SHISA9: variants seen among roughly 807,000 people sequenced by gnomAD.
SHISA9 encodes shisa family member 9, also known as protein shisa-9.
A neutral mutation model predicts 38.0 loss-of-function variants in SHISA9; 13 were observed. The observed-to-expected ratio is 0.34, with a 90% CI of 0.22 to 0.54. The LOEUF (loss-of-function observed/expected upper bound fraction) is 0.54, where lower values mean the gene tolerates loss of function less well. Among genes scored for constraint, SHISA9 ranks in the 20% least tolerant of loss-of-function variants. The probability of loss-of-function intolerance (pLI) is 0.91; values close to 1 mark genes in which losing one functional copy is unlikely to be tolerated. For missense variants in SHISA9, 538 were observed against 575.8 expected, an observed-to-expected ratio of 0.93 and a Z score of 0.67; for synonymous variants, 275 against 242.0, an observed-to-expected ratio of 1.14 and a Z score of -1.27.
At chr16:13,174,430 G>A (rs1445489215) in intron 2 of SHISA9, among the ~76,000 whole-genome samples, 1 of 152,226 alleles carries the variant, frequency 6.6e-6, no homozygotes. Context: ...TTAAGGAGCT[G>A]TAAGCCCATT....
the SHISA9 span, among the ~76,000 whole-genome samples, chr16:13,479,236 G>C: frequency 6.6e-6 from 1 of 152,112 alleles, no homozygotes; most frequent in East Asian, 1.9e-4. Flanking sequence ...TGATTACTGT[G>C]AGCCCTCTTG....
the SHISA9 span, among the ~76,000 whole-genome samples, chr16:13,358,296 G>C: frequency 2.0e-5 from 3 of 152,168 alleles, no homozygotes; most frequent in Non-Finnish European, 4.4e-5. Flanking sequence ...TGGGTTTTGA[G>C]TGAGATACCT....
At chr16:13,290,540 T>C in the SHISA9 span, among the ~76,000 whole-genome samples, 121 of 152,300 alleles carry the variant, frequency 7.9e-4, no homozygotes, top group African/African-American at 2.8e-3. Flanking sequence ...TGTTTCCTGT[T>C]ATCCAGGATG....
intron 2 of SHISA9, among the ~76,000 whole-genome samples, chr16:13,184,294 C>T (rs1418507664): frequency 1.3e-5 from 2 of 152,170 alleles, no homozygotes; most frequent in East Asian, 1.9e-4. Context: ...GATGTTTGAG[C>T]CTATCTTCTG....
the SHISA9 span, among the ~76,000 whole-genome samples, chr16:13,306,476 T>G: frequency 1.3e-5 from 2 of 152,166 alleles, no homozygotes; most frequent in African/African-American, 4.8e-5. Flanking sequence ...AGAGAGATAA[T>G]GATATTAGTT....
chr16:13,150,738 G>T (rs1207136825), intron 2 of SHISA9, among the ~76,000 whole-genome samples: 4 of 152,188 alleles, frequency 2.6e-5, no homozygotes, highest in Non-Finnish European at 5.9e-5. Context: ...AGCAGTAATG[G>T]TGGCAAGCAG....
chr16:13,158,051 T>C (rs1473392470), intron 2 of SHISA9, among the ~76,000 whole-genome samples: 2 of 152,088 alleles, frequency 1.3e-5, no homozygotes, highest in African/African-American at 4.8e-5. Context: ...TGAGTTGTGG[T>C]ATATTAGAAA....
At chr16:12,927,699 A>G (rs1367141082) in intron 2 of SHISA9, among the ~76,000 whole-genome samples, 1 of 151,730 alleles carries the variant, frequency 6.6e-6, no homozygotes, top group African/African-American at 2.4e-5. Flanking sequence ...GTGAACCACC[A>G]TGACTGCCTG....
At chr16:13,475,461 T>G in the SHISA9 span, among the ~76,000 whole-genome samples, 3 of 152,112 alleles carry the variant, frequency 2.0e-5, no homozygotes, top group African/African-American at 7.2e-5. Context: ...TATTTATTCA[T>G]TTGACAAATA....
chr16:13,279,764 T>C, the SHISA9 span, among the ~76,000 whole-genome samples: 1 of 151,960 alleles, frequency 6.6e-6, no homozygotes, highest in African/African-American at 2.4e-5. Context: ...TGTCAGTATT[T>C]GGTCCATTTG....
chr16:13,173,765 G>T (rs1163690628), intron 2 of SHISA9, among the ~76,000 whole-genome samples: 1 of 152,116 alleles, frequency 6.6e-6, no homozygotes, highest in Non-Finnish European at 1.5e-5. Context: ...GAAGACAAAT[G>T]AAAAACCCGG....
the SHISA9 span, among the ~76,000 whole-genome samples, chr16:13,485,690 T>G: frequency 6.6e-6 from 1 of 152,218 alleles, no homozygotes; most frequent in African/African-American, 2.4e-5. Context: ...AAATATACAA[T>G]AAGTTATTGT....
At chr16:13,343,764 G>A in the SHISA9 span, among the ~76,000 whole-genome samples, 23 of 152,152 alleles carry the variant, frequency 1.5e-4, no homozygotes, top group African/African-American at 5.6e-4. Context: ...CAGAAAGGCT[G>A]ACTAATTATA....
the SHISA9 span, among the ~76,000 whole-genome samples, chr16:13,419,113 G>C: frequency 6.6e-6 from 1 of 152,310 alleles, no homozygotes; most frequent in Non-Finnish European, 1.5e-5. Flanking sequence ...AAAACTTTTA[G>C]TTCAAGCTTT....
chr16:13,362,702 A>G, the SHISA9 span, among the ~76,000 whole-genome samples: 1 of 152,178 alleles, frequency 6.6e-6, no homozygotes, highest in Non-Finnish European at 1.5e-5. Flanking sequence ...CCCTGGTGGT[A>G]GTTTCCTCTC....
At chr16:13,521,610 G>A in the SHISA9 span, among the ~76,000 whole-genome samples, 1 of 152,194 alleles carries the variant, frequency 6.6e-6, no homozygotes. Context: ...TTAGTCAAGG[G>A]TTTGGCATTA....
chr16:12,988,293 T>C (rs2072339545), intron 2 of SHISA9, among the ~76,000 whole-genome samples: 1 of 152,198 alleles, frequency 6.6e-6, no homozygotes, highest in Non-Finnish European at 1.5e-5. Context: ...TGAAGCTTAC[T>C]CACCAGCCTG....
At chr16:12,977,929 C>T (rs2072186618) in intron 2 of SHISA9, among the ~76,000 whole-genome samples, 1 of 151,846 alleles carries the variant, frequency 6.6e-6, no homozygotes, top group Admixed American at 6.6e-5. Context: ...CACACATTCA[C>T]CTATGTAGCA....
At chr16:12,934,083 C>A (rs2141747275) in intron 2 of SHISA9, among the ~76,000 whole-genome samples, 1 of 152,176 alleles carries the variant, frequency 6.6e-6, no homozygotes. Flanking sequence ...TGTGCAAAGG[C>A]CCTGAGACAG....
Sources: allele counts gnomAD v4.1 joint callset (sites outside exome capture counted in the v4.1 genomes callset), GRCh38; gene constraint gnomAD v4.1.1; transcripts MANE v1.5; gene names NCBI Gene and HGNC (gene_info 2026-07-23, HGNC 2026-07-21).